GNS: variants seen among roughly 807,000 people sequenced by gnomAD.
The protein encoded by GNS is N-acetylglucosamine-6-sulfatase.
In GNS, 40 loss-of-function variants were observed where a neutral mutation model predicts 69.7. The observed-to-expected ratio is 0.57, with a 90% CI of 0.45 to 0.75. The LOEUF (loss-of-function observed/expected upper bound fraction) is 0.75, where lower values mean the gene tolerates loss of function less well. Among genes scored for constraint, GNS ranks in the 30% least tolerant of loss-of-function variants. The pLI, the probability that GNS is intolerant of heterozygous loss-of-function variation, is 0.00. For missense variants in GNS, 565 were observed against 685.5 expected (o/e 0.82, Z 1.96); for synonymous variants, 243 against 251.6 (o/e 0.97, Z 0.32).
At chr12:64,752,637 G>A in intron 2 of GNS, 61 bp downstream of exon 2, 1 of 845,862 alleles carries the variant, frequency 1.2e-6, no homozygotes, top group Non-Finnish European at 2.1e-6. Flanking sequence ...CGAGAAGAGA[G>A]TATCTTCTTA....
At chr12:64,728,008 C>T (rs1482767468) in intron 10 of GNS, among the ~76,000 whole-genome samples, 1 of 152,224 alleles carries the variant, frequency 6.6e-6, no homozygotes, top group African/African-American at 2.4e-5. Context: ...ACTGCAATCT[C>T]CACCTCCCAG....
chr12:64,751,810 A>ACTGGCT (rs1870085297), intron 2 of GNS, among the ~76,000 whole-genome samples: 1 of 151,988 alleles, frequency 6.6e-6, no homozygotes. Flanking sequence ...AACATGGTGA[A>ACTGGCT]ACCCCATCTC....
At chr12:64,738,712 T>C (rs546237194) in intron 8 of GNS, among the ~76,000 whole-genome samples, 12 of 151,550 alleles carry the variant, frequency 7.9e-5, no homozygotes, top group Non-Finnish European at 1.6e-4. Flanking sequence ...ACTCGAGAGG[T>C]TGAGGCAGGA....
chr12:64,758,260 C>T (rs1870327090), intron 1 of GNS, among the ~76,000 whole-genome samples: 1 of 149,146 alleles, frequency 6.7e-6, no homozygotes, highest in African/African-American at 2.5e-5. Flanking sequence ...AGGCAACACA[C>T]ACCCTCAATA....
In GNS at chr12:64,720,020, A is replaced by C. The variant is rs1470710404; in HGVS notation, c.1580+2T>G. The C allele has an allele frequency of 6.2e-7, 1 of 1,609,858 alleles. No homozygotes were observed. The highest frequency in any genetic ancestry group is 8.5e-7 in the Non-Finnish European group (1 of 1,176,098). ...AAGTAAATGAAGAGAAAGGAAACTT[A>C]CCCGGGGTCAAAAACCCCTGGAGTG... On this transcript the variant is annotated splice_donor_variant, in intron 13 of 13. Coordinates refer to ENST00000258145, the MANE Select transcript of GNS (RefSeq NM_002076.4). LOFTEE classifies it high-confidence loss of function.
chr12:64,724,323 G>A (rs1297205121), intron 10 of GNS, among the ~76,000 whole-genome samples: 1 of 152,206 alleles, frequency 6.6e-6, no homozygotes, highest in Non-Finnish European at 1.5e-5. Context: ...CTGGGTTTTA[G>A]CAAGTCCCAC....
At position 64,715,092 on chromosome 12, in the gene GNS, C is replaced by T. The variant is rs1350120414; in HGVS notation, c.*1649G>A. 6.6e-6 allele frequency: 1 copy of T among 152,608 alleles called. No homozygotes were observed. Among genetic ancestry groups the T allele is most frequent in the Non-Finnish European group, 1.5e-5 (1 of 68,026 alleles). 9.5% of individuals were successfully genotyped at this position (152,608 alleles called of 1,614,324 possible). On this transcript the variant is annotated 3_prime_UTR_variant, in exon 14 of 14. Coordinates refer to ENST00000258145, the MANE Select transcript of GNS (RefSeq NM_002076.4). Reference sequence around the variant, plus strand: ...AGAAGACTTTAAATAAAGCTAAAATCGCTTATTGCCTGAGTTGAACAAGTT... The same window carrying T: ...AGAAGACTTTAAATAAAGCTAAAATTGCTTATTGCCTGAGTTGAACAAGTT...
At chr12:64,747,424 A>G (rs1869928450) in intron 3 of GNS, among the ~76,000 whole-genome samples, 1 of 152,244 alleles carries the variant, frequency 6.6e-6, no homozygotes, top group Non-Finnish European at 1.5e-5. Flanking sequence ...ATCAGACAGC[A>G]GCACTCTTAG....
intron 10 of GNS, among the ~76,000 whole-genome samples, chr12:64,724,055 C>T (rs1425246067): frequency 2.0e-5 from 3 of 152,082 alleles, no homozygotes; most frequent in South Asian, 2.1e-4. Flanking sequence ...ACAGGAAGAC[C>T]AGGTTAGAAG....
Position 64,713,613 on chromosome 12 carries a change from T to C in GNS, c.*3128A>G, listed in dbSNP as rs952451644. The C allele has an allele frequency of 6.6e-6, 1 of 152,594 alleles. No individual in the cohort carries two copies. Among genetic ancestry groups the C allele is most frequent in the Non-Finnish European group, 1.5e-5 (1 of 68,032 alleles). The allele number at this position is 152,594 out of a possible 1,614,324, so 9.5% of individuals were successfully genotyped here. A position where few individuals can be genotyped will look rare whatever the true frequency, so the allele number is the denominator to read the frequency against. ...ACAAAATTCAGTGGGAACTAAGTGGTGGTAAAACTCAAGAACCCAACTCTA... is the reference window on the plus strand; with the variant it reads ...ACAAAATTCAGTGGGAACTAAGTGGCGGTAAAACTCAAGAACCCAACTCTA... On this transcript the variant is annotated 3_prime_UTR_variant, in exon 14 of 14. Coordinates refer to ENST00000258145, the MANE Select transcript of GNS (RefSeq NM_002076.4).
chr12:64,729,344 G>T (rs1174254727), intron 9 of GNS: 1 of 367,572 alleles, frequency 2.7e-6, no homozygotes, highest in Admixed American at 4.0e-5. Context: ...ACTCCTTTGG[G>T]ACTGCTTTGA....
intron 3 of GNS, 89 bp from the exon 4 acceptor site, chr12:64,745,813 C>T (rs1869882245): frequency 4.8e-6 from 4 of 833,700 alleles, no homozygotes; most frequent in South Asian, 1.4e-5. Context: ...CTTTTTAGAC[C>T]AGTGCCTGAA....
intron 12 of GNS, among the ~76,000 whole-genome samples, chr12:64,721,369 A>C (rs564467410): frequency 6.6e-6 from 1 of 152,232 alleles, no homozygotes; most frequent in African/African-American, 2.4e-5. Flanking sequence ...TTTAAAGTGT[A>C]TATTTGGGTG....
intron 1 of GNS, among the ~76,000 whole-genome samples, chr12:64,758,825 T>G (rs971234873): frequency 6.6e-6 from 1 of 152,202 alleles, no homozygotes. Context: ...ATGTTTATCT[T>G]GAGATATTAA....
chr12:64,728,632 T>C (rs894514557), intron 10 of GNS, among the ~76,000 whole-genome samples: 9 of 152,354 alleles, frequency 5.9e-5, no homozygotes, highest in African/African-American at 1.9e-4. Flanking sequence ...GCCACTTTTT[T>C]TGCCCATTTT....
chr12:64,750,917 A>G (rs1870057480), intron 2 of GNS, among the ~76,000 whole-genome samples: 2 of 152,224 alleles, frequency 1.3e-5, no homozygotes, highest in African/African-American at 4.8e-5. Flanking sequence ...AAAAAGAAAA[A>G]AAAGAAAGAA....
intron 10 of GNS, among the ~76,000 whole-genome samples, chr12:64,723,929 AG>A (rs1869111899): frequency 6.6e-6 from 1 of 152,190 alleles, no homozygotes; most frequent in Admixed American, 6.5e-5. Flanking sequence ...GGGAAATCAT[AG>A]GAGGTTTTTG....
chr12:64,739,276 T>C (rs1458904143), intron 8 of GNS, 105 bp downstream of exon 8: 2 of 791,990 alleles, frequency 2.5e-6, no homozygotes, highest in African/African-American at 3.4e-5. Flanking sequence ...CCCTCTGGCA[T>C]GTCCACAGTT....
chr12:64,723,748 A>G (rs1869106893), intron 10 of GNS, among the ~76,000 whole-genome samples: 1 of 152,226 alleles, frequency 6.6e-6, no homozygotes, highest in African/African-American at 2.4e-5. Context: ...AGATTCAAAG[A>G]GCATGAATAT....
Sources: allele counts gnomAD v4.1 joint callset (sites outside exome capture counted in the v4.1 genomes callset), GRCh38; gene constraint gnomAD v4.1.1; transcripts MANE v1.5; gene names NCBI Gene and HGNC (gene_info 2026-07-23, HGNC 2026-07-21).